The following PRPF40B variants were observed in gnomAD, a reference collection of about 807,000 sequenced individuals.
The protein encoded by PRPF40B is pre-mRNA-processing factor 40 homolog B.
A neutral mutation model predicts 124.5 loss-of-function variants in PRPF40B; 56 were observed. The observed-to-expected ratio is 0.45, with a 90% CI of 0.36 to 0.56. The LOEUF is 0.56. Ranked by LOEUF, PRPF40B falls within the 20% of genes least tolerant of loss-of-function variation. The probability of loss-of-function intolerance (pLI) is 0.00; values close to 1 mark genes in which losing one functional copy is unlikely to be tolerated. For missense variants in PRPF40B, 1,053 were observed against 1,169.5 expected (o/e 0.90, Z 1.45); for synonymous variants, 443 against 426.4 (o/e 1.04, Z -0.48).
At chr12:49,632,685 G>A in intron 5 of PRPF40B, 62 bp downstream of exon 5, 2 of 1,603,942 alleles carry the variant, frequency 1.2e-6, no homozygotes, top group Middle Eastern at 1.7e-4. Flanking sequence ...GGGGAGAGGG[G>A]ACCGTGGACT....
rs1310109127 is a variant in PRPF40B at position 49,642,889 on chromosome 12, G to A, written c.2119-41G>A. On this transcript the variant is annotated intron_variant, in intron 21 of 25. Transcript: ENST00000548825. The surrounding 1 kb of genome is among the most constrained non-coding windows in gnomAD (Gnocchi z 5.8). The stretch of plus-strand genomic sequence containing the variant: ...GAAGTAGGATCCTTCCTGGGGCTAA[G>A]TCTGGTGCTGTCCTCACCCTTCTTC... 1.3e-6 allele frequency: 2 copies of A among 1,584,260 alleles called. No homozygotes were observed. Among genetic ancestry groups the A allele is most frequent in the Admixed American group, 1.8e-5 (1 of 56,284 alleles).
chr12:49,641,559 A>G (rs891638309), intron 18 of PRPF40B: 80 of 285,398 alleles, frequency 2.8e-4, no homozygotes, highest in Non-Finnish European at 6.0e-5. Flanking sequence ...GCAAATGTTG[A>G]TTGAGAATGC....
chr12:49,624,237 A>C (rs921392105), intron 1 of PRPF40B: 1 of 881,536 alleles, frequency 1.1e-6, no homozygotes, highest in Non-Finnish European at 1.4e-6. Flanking sequence ...AATGCATGAA[A>C]ATTAAATCCC....
chr12:49,630,243 C>T (rs1047448328), intron 1 of PRPF40B, among the ~76,000 whole-genome samples: 2 of 152,238 alleles, frequency 1.3e-5, no homozygotes, highest in Admixed American at 1.3e-4. Context: ...TAGAGCCAGT[C>T]TGTGCCTGTA....
In PRPF40B at chr12:49,635,367, G is replaced by A. The variant is rs140814123; in HGVS notation, c.1169G>A (p.Arg390Gln). 71 of 1,613,366 alleles carry A rather than the reference G, an allele frequency of 4.4e-5. 1 individual carries two copies. In the African/African-American group the frequency reaches 6.8e-4, roughly 15 times the overall value. Residue 390 changes from arginine (R) to glutamine (Q), a missense_variant and splice_region_variant, in exon 14 of 26, where the codon CGG (arginine) becomes CAG (glutamine). Coordinates refer to ENST00000548825, the MANE Select transcript of PRPF40B (RefSeq NM_001031698.3). The surrounding 1 kb of genome is among the most constrained non-coding windows in gnomAD (Gnocchi z 4.1). Reference sequence around the variant, plus strand: ...CTCACAGCTTATATGCTCCACAGGCGGGCAGAACAGACCTTTGGGGAGCTG... The same window carrying A: ...CTCACAGCTTATATGCTCCACAGGCAGGCAGAACAGACCTTTGGGGAGCTG... ...ERMTSTTRYR[R>Q]AEQTFGELEV...
intron 18 of PRPF40B, chr12:49,639,025 T>A (rs1565842537): frequency 6.6e-6 from 1 of 152,248 alleles, no homozygotes; most frequent in Non-Finnish European, 1.5e-5. Context: ...TGTATCATAC[T>A]GTCCTGAGGT....
intron 15 of PRPF40B, 139 bp from the exon 16 acceptor site, chr12:49,636,577 G>T: frequency 9.3e-7 from 1 of 1,074,802 alleles, no homozygotes; most frequent in Admixed American, 2.2e-5. Flanking sequence ...CTCCCACAGA[G>T]CCCCCTCCAG....
chr12:49,632,898 A>G lies in PRPF40B; in HGVS notation c.348+18A>G. ...GCCCTCCGGTGAGTTCTTCCAGCTC[A>G]GGGGTCTCTGGGTAGAAAGCCTGAG... On this transcript the variant is annotated intron_variant, in intron 6 of 25. Coordinates refer to ENST00000548825, the MANE Select transcript of PRPF40B (RefSeq NM_001031698.3). 6.2e-7 allele frequency: 1 copy of G among 1,613,558 alleles called. No homozygotes were observed. The highest frequency in any genetic ancestry group is 8.5e-7 in the Non-Finnish European group (1 of 1,179,952).
At chr12:49,634,264 A>G (rs1941522938) in intron 10 of PRPF40B, 68 bp from the exon 11 acceptor site, 4 of 1,610,324 alleles carry the variant, frequency 2.5e-6, no homozygotes, top group Non-Finnish European at 3.4e-6. Flanking sequence ...ATATGTTGCC[A>G]GGAGTTCAGG....
In PRPF40B at chr12:49,642,961, G is replaced by A. The variant is rs772744566; in HGVS notation, c.2150G>A (p.Arg717Gln). Residue 717 changes from arginine (R) to glutamine (Q), a missense_variant, in exon 22 of 26, where the codon CGA becomes CAA. Physicochemically the swap from Arg to Gln is conservative, Grantham distance 43 (BLOSUM62 1). Coordinates refer to ENST00000548825, the MANE Select transcript of PRPF40B (RefSeq NM_001031698.3). This position sits in a 1 kb window ranked among gnomAD's most constrained non-coding sequence, Gnocchi z 5.8. ...TECQHLHTKG[R>Q]KHGRKGKKHH... ...TGCCAGCACCTCCACACCAAAGGCCGAAAGCATGGCAGGAAAGGCAAGAAG... is the reference window on the plus strand; with the variant it reads ...TGCCAGCACCTCCACACCAAAGGCCAAAAGCATGGCAGGAAAGGCAAGAAG... The A allele has an allele frequency of 6.8e-6, 11 of 1,613,636 alleles. No homozygotes were observed. Among genetic ancestry groups the A allele is most frequent in the African/African-American group, 4.0e-5 (3 of 74,926 alleles).
chr12:49,628,515 A>G (rs2138410378), intron 1 of PRPF40B, among the ~76,000 whole-genome samples: 1 of 150,972 alleles, frequency 6.6e-6, no homozygotes, highest in East Asian at 1.9e-4. Flanking sequence ...TTGGCCTCCC[A>G]AAGTGCTGGG....
At chr12:49,638,665 G>A (rs996381545) in intron 18 of PRPF40B, 1 of 152,248 alleles carries the variant, frequency 6.6e-6, no homozygotes, top group African/African-American at 2.4e-5. Flanking sequence ...CATTTGAGGA[G>A]ATAATACAGT....
Position 49,632,996 on chromosome 12 carries a change from G to GGGGGCC in PRPF40B, c.349-18_349-17insGGGGCC. 5 of 1,147,384 alleles carry GGGGGCC rather than the reference G, an allele frequency of 4.4e-6. No homozygotes were observed. Among genetic ancestry groups the GGGGGCC allele is most frequent in the Non-Finnish European group, 6.1e-6 (5 of 822,998 alleles). The allele number at this position is 1,147,384 out of a possible 1,614,324, so 71.1% of individuals were successfully genotyped here. On this transcript the variant is annotated splice_polypyrimidine_tract_variant and intron_variant, in intron 6 of 25. Transcript: ENST00000548825. ...AAAGGGGCCTTGACCACCATTCTGT[G>GGGGGCC]CCCCCCCCCCCACCCAGAGGGCCCT...
At position 49,633,267 on chromosome 12, in the gene PRPF40B, C is replaced by T. The variant is rs961800964; in HGVS notation, c.459+143C>T. 2.4e-6 allele frequency: 3 copies of T among 1,262,592 alleles called. No individual in the cohort carries two copies. The African/African-American group carries it at 4.5e-5, about 19-fold the overall frequency. The allele number at this position is 1,262,592 out of a possible 1,614,324, so 78.2% of individuals were successfully genotyped here. ...CCATTCCTCACCCTCCCTGGAAATG[C>T]CTCCATAGGATCTCAAGAAGTCCAC... On this transcript the variant is annotated intron_variant, in intron 7 of 25. Coordinates refer to ENST00000548825, the MANE Select transcript of PRPF40B (RefSeq NM_001031698.3).
At chr12:49,634,262 CCAGGAGTT>C (rs1565832558) in intron 10 of PRPF40B, 62 bp from the exon 11 acceptor site, 17 of 1,609,644 alleles carry the variant, frequency 1.1e-5, no homozygotes, top group Non-Finnish European at 1.4e-5. Flanking sequence ...TGATATGTTG[CCAGGAGTT>C]CAGGGCACTG....
chr12:49,627,916 G>C (rs1247520268), intron 1 of PRPF40B, among the ~76,000 whole-genome samples: 2 of 152,192 alleles, frequency 1.3e-5, no homozygotes, highest in African/African-American at 4.8e-5. Context: ...TGGCAAGGAA[G>C]AGGGAGTTGT....
At position 49,635,571 on chromosome 12, in the gene PRPF40B, C is replaced by G. The variant is rs1178351740; in HGVS notation, c.1275+98C>G. 19 of 1,188,826 alleles carry G rather than the reference C, an allele frequency of 1.6e-5. No individual in the cohort carries two copies. The highest frequency in any genetic ancestry group is 2.3e-5 in the Non-Finnish European group (19 of 841,156). The allele number at this position is 1,188,826 out of a possible 1,614,324, so 73.6% of individuals were successfully genotyped here. A position where few individuals can be genotyped will look rare whatever the true frequency, so the allele number is the denominator to read the frequency against. ...CCTCGCCATTTACTTCTCTACTTCCCCAGTGTCCCAGCTTCTGACTTGGAA... is the reference window on the plus strand; with the variant it reads ...CCTCGCCATTTACTTCTCTACTTCCGCAGTGTCCCAGCTTCTGACTTGGAA... On this transcript the variant is annotated intron_variant, in intron 14 of 25. Coordinates refer to ENST00000548825, the MANE Select transcript of PRPF40B (RefSeq NM_001031698.3). This position sits in a 1 kb window ranked among gnomAD's most constrained non-coding sequence, Gnocchi z 4.1.
chr12:49,630,803 G>A (rs893811280), intron 2 of PRPF40B, among the ~76,000 whole-genome samples, 178 bp downstream of exon 2: 1 of 152,120 alleles, frequency 6.6e-6, no homozygotes, highest in East Asian at 1.9e-4. Flanking sequence ...GAAGCCCTCA[G>A]TACATAACAT....
intron 15 of PRPF40B, 27 bp from the exon 16 acceptor site, chr12:49,636,689 C>A: frequency 6.2e-7 from 1 of 1,612,820 alleles, no homozygotes; most frequent in Non-Finnish European, 8.5e-7. Flanking sequence ...TGGGACAATG[C>A]CCGCGGAACC....
Sources: gnomAD v4.1 joint callset for allele counts (sites outside exome capture counted in the v4.1 genomes callset) on GRCh38, gnomAD v4.1.1 for gene constraint, Gnocchi (gnomAD v3.1) non-coding constraint, MANE v1.5 for transcripts, NCBI Gene and HGNC (gene_info 2026-07-23, HGNC 2026-07-21) for gene names.